SPPL3: variants seen among roughly 807,000 people sequenced by gnomAD.
SPPL3 encodes the protein signal peptide peptidase-like 3.
A neutral mutation model predicts 42.4 loss-of-function variants in SPPL3; 5 were observed. That is an observed-to-expected ratio of 0.12 (90% CI 0.06 to 0.25). The LOEUF (loss-of-function observed/expected upper bound fraction) is 0.25, where lower values mean the gene tolerates loss of function less well. Among genes scored for constraint, SPPL3 ranks in the 10% least tolerant of loss-of-function variants. The pLI is 1.00. For missense variants in SPPL3, 235 were observed against 489.0 expected (o/e 0.48, Z 4.90); for synonymous variants, 195 against 181.8 (o/e 1.07, Z -0.58).
chr12:120,833,862 T>C (rs1871521808), intron 1 of SPPL3, among the ~76,000 whole-genome samples: 1 of 151,842 alleles, frequency 6.6e-6, no homozygotes, highest in South Asian at 2.1e-4. Flanking sequence ...TTTTAATTTA[T>C]ATAACTGAAG....
In SPPL3 at chr12:120,794,013, A is replaced by C. The variant is rs77205232; in HGVS notation, c.102-2456T>G. On this transcript the variant is annotated intron_variant, in intron 2 of 10. Coordinates refer to ENST00000353487, the MANE Select transcript of SPPL3 (RefSeq NM_139015.5). Reference sequence around the variant, plus strand: ...GAGTGGTACTGAAATCTTCAGCTATATTTGTGAATTTATTTCTCCTTGCAG... The same window carrying C: ...GAGTGGTACTGAAATCTTCAGCTATCTTTGTGAATTTATTTCTCCTTGCAG... Among the ~76,000 whole-genome samples the C allele has an allele frequency of 9.8e-3, 1,500 of 152,304 alleles. 10 individuals are homozygous for C. Among genetic ancestry groups the C allele is most frequent in the Non-Finnish European group, 0.015 (1,020 of 68,022 alleles).
intron 6 of SPPL3, among the ~76,000 whole-genome samples, chr12:120,777,084 G>C (rs1869347646): frequency 6.6e-6 from 1 of 152,166 alleles, no homozygotes; most frequent in African/African-American, 2.4e-5. Context: ...TCATAAAACA[G>C]TCTCTCTTAG....
intron 1 of SPPL3, among the ~76,000 whole-genome samples, chr12:120,872,994 A>C (rs1872975656): frequency 6.6e-6 from 1 of 152,240 alleles, no homozygotes; most frequent in Non-Finnish European, 1.5e-5. Flanking sequence ...AAAGACCCAT[A>C]TCCAGATGAA....
intron 1 of SPPL3, among the ~76,000 whole-genome samples, chr12:120,858,929 T>G (rs1235429740): frequency 2.6e-5 from 4 of 152,166 alleles, no homozygotes; most frequent in Non-Finnish European, 5.9e-5. Flanking sequence ...TTGTTTAACT[T>G]TTTACGAATC....
chr12:120,821,205 G>A (rs1164302638), intron 1 of SPPL3, among the ~76,000 whole-genome samples: 1 of 152,196 alleles, frequency 6.6e-6, no homozygotes, highest in Admixed American at 6.5e-5. Context: ...CCGGGGGCGG[G>A]GAGAGGGATT....
intron 1 of SPPL3, among the ~76,000 whole-genome samples, chr12:120,844,789 C>T (rs1272773501): frequency 6.6e-6 from 1 of 151,662 alleles, no homozygotes; most frequent in Non-Finnish European, 1.5e-5. Flanking sequence ...CCCAACACAG[C>T]GACTCCCGGA....
At chr12:120,899,723 T>G (rs1873915577) in intron 1 of SPPL3, among the ~76,000 whole-genome samples, 1 of 151,620 alleles carries the variant, frequency 6.6e-6, no homozygotes, top group African/African-American at 2.4e-5. Context: ...AAATCCCATC[T>G]CTACTAAAAA....
At chr12:120,768,269 C>T (rs568553369) in intron 8 of SPPL3, 56 bp downstream of exon 8, 86 of 1,558,042 alleles carry the variant, frequency 5.5e-5, no homozygotes, top group Admixed American at 5.5e-5. Context: ...TGATCAAGGC[C>T]GGGAACAGAT....
At chr12:120,783,569 G>A (rs1158563772) in intron 5 of SPPL3, 105 bp downstream of exon 5, 3 of 1,075,932 alleles carry the variant, frequency 2.8e-6, no homozygotes, top group Non-Finnish European at 4.0e-6. Flanking sequence ...TGGCATTTCT[G>A]TGCTCCAGCC....
At chr12:120,826,292 CAA>C (rs11341939) in intron 1 of SPPL3, among the ~76,000 whole-genome samples, 59,788 of 118,770 alleles carry the variant, frequency 0.5, 14,163 homozygotes, top group Middle Eastern at 0.64. Flanking sequence ...AAACTGTCTC[CAA>C]AAAAAAAAAA....
intron 6 of SPPL3, among the ~76,000 whole-genome samples, chr12:120,780,749 A>C (rs1278105597): frequency 8.5e-6 from 1 of 117,148 alleles, no homozygotes; most frequent in East Asian, 2.4e-4. Flanking sequence ...ATTAAAAAAA[A>C]AAACAAAACA....
At chr12:120,837,825 C>A (rs979416183) in intron 1 of SPPL3, among the ~76,000 whole-genome samples, 1 of 151,678 alleles carries the variant, frequency 6.6e-6, no homozygotes. Flanking sequence ...GTTACATACA[C>A]ACACACACAC....
At chr12:120,802,986 A>T (rs747945400) in intron 2 of SPPL3, among the ~76,000 whole-genome samples, 1 of 152,210 alleles carries the variant, frequency 6.6e-6, no homozygotes, top group Non-Finnish European at 1.5e-5. Context: ...ACAAACACTT[A>T]TTTGAATGCC....
In SPPL3 at chr12:120,881,465, C is replaced by CAAA. The variant is rs374467556; in HGVS notation, c.23+22377_23+22379dup. ...CCTGGGCAAAAGAGTGAGACTGCCT[C>CAAA]AAAAAAAAAAAAAAAAAAAGAGAAG... On this transcript the variant is annotated intron_variant, in intron 1 of 10. Coordinates refer to ENST00000353487, the MANE Select transcript of SPPL3 (RefSeq NM_139015.5). 1.4e-3 allele frequency among the ~76,000 whole-genome samples: 73 copies of CAAA among 52,844 alleles called. 1 individual carries two copies. The highest frequency in any genetic ancestry group is 3.6e-3 in the African/African-American group (42 of 11,596). The allele number at this position is 52,844 out of a possible 152,430, so 34.7% of individuals were successfully genotyped here.
chr12:120,812,411 C>A lies in SPPL3; in HGVS notation c.24-1525G>T, dbSNP rs148842306. ...CCTCCCAAAGTGTTGGGATTACAGG[C>A]GTGAGCCACTGCGCCTGGCCAGAGG... On this transcript the variant is annotated intron_variant, in intron 1 of 10. Coordinates refer to ENST00000353487, the MANE Select transcript of SPPL3 (RefSeq NM_139015.5). Among the ~76,000 whole-genome samples, 517 of 152,188 alleles carry A rather than the reference C, an allele frequency of 3.4e-3. 4 individuals are homozygous for A. Among genetic ancestry groups the A allele is most frequent in the African/African-American group, 0.012 (500 of 41,524 alleles).
intron 2 of SPPL3, among the ~76,000 whole-genome samples, chr12:120,804,696 A>C (rs1182468265): frequency 6.6e-6 from 1 of 151,988 alleles, no homozygotes; most frequent in Non-Finnish European, 1.5e-5. Flanking sequence ...CATTTCTTAA[A>C]ATGTTAAGAC....
chr12:120,891,887 G>A (rs1329650153), intron 1 of SPPL3, among the ~76,000 whole-genome samples: 2 of 152,150 alleles, frequency 1.3e-5, no homozygotes, highest in South Asian at 2.1e-4. Context: ...CAGTGGTCAT[G>A]TTCAAGAAGA....
Position 120,810,800 on chromosome 12 carries a change from A to T in SPPL3, c.101+9T>A. 6.3e-7 allele frequency: 1 copy of T among 1,599,260 alleles called. No individual in the cohort carries two copies. ...CAACTTGTATCAACCCCATTTGAGAATATCTTACCTGAAACTACCATAGAC... is the reference window on the plus strand; with the variant it reads ...CAACTTGTATCAACCCCATTTGAGATTATCTTACCTGAAACTACCATAGAC... On this transcript the variant is annotated intron_variant, in intron 2 of 10. Transcript: ENST00000353487.
chr12:120,852,317 TATA>T (rs1266819744), intron 1 of SPPL3, among the ~76,000 whole-genome samples: 4 of 147,480 alleles, frequency 2.7e-5, no homozygotes, highest in African/African-American at 4.9e-5. Flanking sequence ...ATTATATTTA[TATA>T]ATCATATATA....
Sources: gnomAD v4.1 joint callset for allele counts (sites outside exome capture counted in the v4.1 genomes callset) on GRCh38, gnomAD v4.1.1 for gene constraint, MANE v1.5 for transcripts, NCBI Gene and HGNC (gene_info 2026-07-23, HGNC 2026-07-21) for gene names.